Variants in OSTF1 observed in about 807,000 individuals in gnomAD.
OSTF1 encodes the protein osteoclast stimulating factor 1.
Under a neutral mutation model 37.2 loss-of-function variants are expected in OSTF1, and 27 were observed. That is an observed-to-expected ratio of 0.73 (90% CI 0.54 to 1.00). The LOEUF (loss-of-function observed/expected upper bound fraction) is 1.00. Ranked by LOEUF, OSTF1 falls within the 50% of genes least tolerant of loss-of-function variation. OSTF1 has a pLI of 0.00. For missense variants in OSTF1, 232 were observed against 253.8 expected (o/e 0.91, Z 0.58); for synonymous variants, 82 against 89.2 (o/e 0.92, Z 0.46).
At chr9:75,116,605 C>CTT (rs75110694) in intron 1 of OSTF1, among the ~76,000 whole-genome samples, 65 of 122,852 alleles carry the variant, frequency 5.3e-4, no homozygotes, top group Non-Finnish European at 7.0e-4. Flanking sequence ...CCAATGGGTC[C>CTT]TTTTTTTTTT....
At chr9:75,109,117 A>G (rs1440014039) in intron 1 of OSTF1, among the ~76,000 whole-genome samples, 1 of 149,738 alleles carries the variant, frequency 6.7e-6, no homozygotes, top group Non-Finnish European at 1.5e-5. Flanking sequence ...TGTTCAAGAG[A>G]TTCTCCTGCC....
chr9:75,117,298 G>T (rs555656039), intron 1 of OSTF1, among the ~76,000 whole-genome samples: 3 of 152,032 alleles, frequency 2.0e-5, no homozygotes, highest in Admixed American at 6.6e-5. Context: ...GAACTTATTC[G>T]TCCTATCTAG....
chr9:75,140,807 C>T (rs2118628531), intron 8 of OSTF1, 27 bp from the exon 9 acceptor site: 3 of 1,547,636 alleles, frequency 1.9e-6, no homozygotes, highest in Non-Finnish European at 2.7e-6. Context: ...TCAAAGACAC[C>T]TAATTGACTT....
intron 7 of OSTF1, among the ~76,000 whole-genome samples, chr9:75,136,238 C>G (rs1282519821): frequency 3.9e-5 from 6 of 152,104 alleles, no homozygotes. Context: ...GATCTTATAT[C>G]TTGCTGATAT....
chr9:75,107,790 G>A (rs1825314966), intron 1 of OSTF1, among the ~76,000 whole-genome samples: 1 of 152,096 alleles, frequency 6.6e-6, no homozygotes, highest in African/African-American at 2.4e-5. Flanking sequence ...TTGGATAACT[G>A]GCCAAATGGT....
At chr9:75,139,027 C>CTTCTTTCTTTCTTTCTTACTTTCTTTCT (rs1825886525) in intron 8 of OSTF1, among the ~76,000 whole-genome samples, 1 of 120,502 alleles carries the variant, frequency 8.3e-6, no homozygotes, top group African/African-American at 3.2e-5. Flanking sequence ...TTTGGGGACA[C>CTTCTTTCTTTCTTTCTTACTTTCTTTCT]TTCTTTCTTT....
At chr9:75,093,064 C>T (rs3780177) in intron 1 of OSTF1, among the ~76,000 whole-genome samples, 63,572 of 112,374 alleles carry the variant, frequency 0.57, 15,717 homozygotes, top group African/African-American at 0.69. Context: ...TTCTTTCTTT[C>T]TTTTTTTTTT....
intron 2 of OSTF1, among the ~76,000 whole-genome samples, chr9:75,121,780 T>G (rs1825584539): frequency 6.6e-6 from 1 of 152,194 alleles, no homozygotes; most frequent in Non-Finnish European, 1.5e-5. Context: ...CACCACAGCA[T>G]ATCCTAAGCT....
chr9:75,116,951 CT>C (rs908352550), intron 1 of OSTF1, among the ~76,000 whole-genome samples: 2 of 151,100 alleles, frequency 1.3e-5, no homozygotes, highest in Non-Finnish European at 1.5e-5. Flanking sequence ...CTCCCACAGG[CT>C]TTTTTTTTCT....
intron 1 of OSTF1, among the ~76,000 whole-genome samples, chr9:75,107,307 C>G (rs79243719): frequency 2.6e-5 from 4 of 152,072 alleles, no homozygotes; most frequent in Non-Finnish European, 5.9e-5. Context: ...CTTTTTCTTA[C>G]CCCGAGAGTA....
chr9:75,140,321 A>C (rs1207668044), intron 8 of OSTF1, among the ~76,000 whole-genome samples: 4 of 152,254 alleles, frequency 2.6e-5, no homozygotes, highest in African/African-American at 7.2e-5. Flanking sequence ...AAATGTATTC[A>C]TGAATTCTGA....
chr9:75,131,704 G>A (rs1049877083), intron 4 of OSTF1, 66 bp from the exon 5 acceptor site: 1 of 1,195,352 alleles, frequency 8.4e-7, no homozygotes, highest in African/African-American at 1.5e-5. Context: ...TGGTGAATGA[G>A]TGGCTTCAGT....
At chr9:75,106,721 C>T (rs1404879648) in intron 1 of OSTF1, among the ~76,000 whole-genome samples, 14 of 148,996 alleles carry the variant, frequency 9.4e-5, no homozygotes, top group Non-Finnish European at 1.3e-4. Context: ...TTTGGGAGGC[C>T]GGGGCGGGCG....
intron 3 of OSTF1, 72 bp from the exon 4 acceptor site, chr9:75,130,506 G>A (rs541350450): frequency 3.2e-5 from 32 of 1,000,290 alleles, no homozygotes; most frequent in Middle Eastern, 2.1e-4. Context: ...CTCCCTAGGA[G>A]CTAGATAATT....
At chr9:75,091,566 G>C (rs1266417795) in intron 1 of OSTF1, among the ~76,000 whole-genome samples, 1 of 152,160 alleles carries the variant, frequency 6.6e-6, no homozygotes, top group African/African-American at 2.4e-5. Context: ...TTACTTTCTT[G>C]TCCTGCAGGC....
At chr9:75,093,467 A>G (rs371515454) in intron 1 of OSTF1, among the ~76,000 whole-genome samples, 28 of 152,282 alleles carry the variant, frequency 1.8e-4, no homozygotes, top group East Asian at 3.9e-4. Flanking sequence ...TTTGGTAACT[A>G]TCTATTGTAG....
At chr9:75,137,008 T>A (rs1291468292) in intron 7 of OSTF1, among the ~76,000 whole-genome samples, 1 of 152,150 alleles carries the variant, frequency 6.6e-6, no homozygotes, top group Non-Finnish European at 1.5e-5. Context: ...GTTTCTGGCC[T>A]TTTGCTACTT....
rs1564165227 is a variant in OSTF1 at position 75,128,506 on chromosome 9, TATATATATATATATTTTGTCC to T, written c.132+902_132+922del. 2.5e-3 allele frequency among the ~76,000 whole-genome samples: 86 copies of T among 34,222 alleles called. 35 individuals carry two copies. The highest frequency in any genetic ancestry group is 6.0e-3 in the African/African-American group (39 of 6,490). The allele number at this position is 34,222 out of a possible 152,430, so 22.5% of individuals were successfully genotyped here. On this transcript the variant is annotated intron_variant, in intron 3 of 9. Coordinates refer to ENST00000346234, the MANE Select transcript of OSTF1 (RefSeq NM_012383.5). Reference sequence around the variant, plus strand: ...TATATATATATATATTTTGTCCATATATATATATATATATTTTGTCCATATATATATATATATATTTTGTCC... The same window carrying T: ...TATATATATATATATTTTGTCCATATATATATATATATATATATTTTGTCC...
chr9:75,117,281 A>T (rs1022662149), intron 1 of OSTF1, among the ~76,000 whole-genome samples: 7 of 152,324 alleles, frequency 4.6e-5, no homozygotes, highest in Middle Eastern at 3.4e-3. Context: ...GGTGGTATAG[A>T]ACACTGGAAC....
Sources: gnomAD v4.1 joint callset for allele counts (sites outside exome capture counted in the v4.1 genomes callset) on GRCh38, gnomAD v4.1.1 for gene constraint, MANE v1.5 for transcripts, NCBI Gene and HGNC (gene_info 2026-07-23, HGNC 2026-07-21) for gene names.